Variants in ANGPT1 observed in about 807,000 individuals in gnomAD.
ANGPT1 encodes the protein angiopoietin-1.
In ANGPT1, 17 loss-of-function variants were observed where a neutral mutation model predicts 62.2. That is an observed-to-expected ratio of 0.27 (90% CI 0.19 to 0.41). The LOEUF is 0.41. ANGPT1 is among the 10% of genes least tolerant of loss of function. The pLI is 1.00. For synonymous variants in ANGPT1, 199 were observed against 198.9 expected (o/e 1.00, Z 0.00); for missense variants, 478 against 594.9 (o/e 0.80, Z 2.04).
intron 3 of ANGPT1, among the ~76,000 whole-genome samples, chr8:107,322,418 T>C (rs190812037): frequency 8.7e-4 from 133 of 152,268 alleles, no homozygotes; most frequent in Admixed American, 4.4e-3. Flanking sequence ...GTAGCTAACT[T>C]ACACCCAAAT....
At position 107,493,422 on chromosome 8, in the gene ANGPT1, G is replaced by T. The variant is rs187185742; in HGVS notation, c.297+3840C>A. Among the ~76,000 whole-genome samples, 76 of 150,496 alleles carry T rather than the reference G, an allele frequency of 5.0e-4. 6 individuals carry two copies. The East Asian group carries it at 7.3e-3, about 15-fold the overall frequency. ...ACCCTTAAAGAATAATTAAGAAGAT[G>T]AATTGGAGTGACTAGAGAAGTTTTT... On this transcript the variant is annotated intron_variant, in intron 1 of 8. Transcript: ENST00000517746.
At chr8:107,358,673 A>G (rs1816100501) in intron 1 of ANGPT1, among the ~76,000 whole-genome samples, 3 of 152,236 alleles carry the variant, frequency 2.0e-5, no homozygotes, top group Admixed American at 2.0e-4. Flanking sequence ...GCAGCTGTAG[A>G]TCACCTCCCG....
At chr8:107,275,089 G>A (rs1260274606) in intron 7 of ANGPT1, among the ~76,000 whole-genome samples, 2 of 152,070 alleles carry the variant, frequency 1.3e-5, no homozygotes, top group Admixed American at 6.6e-5. Flanking sequence ...GAAAAATAGA[G>A]GTTGAGTTCT....
Position 107,261,056 on chromosome 8 carries a change from ATGTAT to A in ANGPT1, c.1336+3160_1336+3164del, listed in dbSNP as rs1203065789. Among the ~76,000 whole-genome samples, 6 of 152,254 alleles carry A rather than the reference ATGTAT, an allele frequency of 3.9e-5. No homozygotes were observed. The East Asian group carries it at 1.2e-3, about 29-fold the overall frequency. Reference sequence around the variant, plus strand: ...GAAAGATTTTACTGTTGGTTTTTTCATGTATTGTATTTATTTGGTAAGAAAAAATA... The same window carrying A: ...GAAAGATTTTACTGTTGGTTTTTTCATGTATTTATTTGGTAAGAAAAAATA... On this transcript the variant is annotated intron_variant, in intron 8 of 8. Transcript: ENST00000517746.
At chr8:107,295,267 A>T (rs1009442554) in intron 5 of ANGPT1, 2 of 152,126 alleles carry the variant, frequency 1.3e-5, no homozygotes, top group African/African-American at 2.4e-5. Context: ...CATTAACCCT[A>T]GGAATTGACT....
intron 3 of ANGPT1, 138 bp from the exon 4 acceptor site, chr8:107,322,266 T>A: frequency 1.5e-6 from 1 of 649,384 alleles, no homozygotes. Flanking sequence ...GTGAGAGACT[T>A]AAGAATATGT....
chr8:107,322,618 G>C (rs1386094016), intron 3 of ANGPT1: 1 of 210,634 alleles, frequency 4.7e-6, no homozygotes, highest in Non-Finnish European at 9.6e-6. Context: ...ATCAAGAATA[G>C]TATATTGACC....
chr8:107,296,754 T>C (rs1035208766), intron 5 of ANGPT1, among the ~76,000 whole-genome samples: 21 of 152,228 alleles, frequency 1.4e-4, no homozygotes, highest in African/African-American at 4.6e-4. Flanking sequence ...TGAATGTTTT[T>C]ATTCAAATTT....
intron 7 of ANGPT1, among the ~76,000 whole-genome samples, chr8:107,280,221 A>G (rs1813970872): frequency 6.7e-6 from 1 of 149,856 alleles, no homozygotes; most frequent in Non-Finnish European, 1.5e-5. Context: ...TTTTTTTGAG[A>G]TGGCGTTTCA....
intron 8 of ANGPT1, among the ~76,000 whole-genome samples, chr8:107,260,487 A>G (rs544457196): frequency 3.2e-3 from 478 of 151,678 alleles, no homozygotes; most frequent in Non-Finnish European, 6.0e-3. Context: ...AAGAAAAAAA[A>G]GGAAAGGAAA....
intron 1 of ANGPT1, among the ~76,000 whole-genome samples, chr8:107,466,568 C>T (rs1338217220): frequency 6.6e-6 from 1 of 152,016 alleles, no homozygotes; most frequent in Non-Finnish European, 1.5e-5. Context: ...ATTCGTAAAG[C>T]CAAGGAAAAT....
chr8:107,424,799 T>C (rs983282377), intron 1 of ANGPT1, among the ~76,000 whole-genome samples: 1 of 152,208 alleles, frequency 6.6e-6, no homozygotes, highest in African/African-American at 2.4e-5. Flanking sequence ...TTTACAAAAT[T>C]AAGCCATAAT....
chr8:107,398,712 A>G (rs184469215), intron 1 of ANGPT1, among the ~76,000 whole-genome samples: 1 of 152,262 alleles, frequency 6.6e-6, no homozygotes, highest in East Asian at 1.9e-4. Flanking sequence ...TTCATGTGCT[A>G]TTACAAAAAC....
chr8:107,418,377 G>C (rs140594428), intron 1 of ANGPT1, among the ~76,000 whole-genome samples: 36 of 152,204 alleles, frequency 2.4e-4, no homozygotes, highest in Non-Finnish European at 4.9e-4. Flanking sequence ...GAAAAAAGTT[G>C]AGAAAAAAAT....
intron 4 of ANGPT1, among the ~76,000 whole-genome samples, chr8:107,319,234 A>G (rs1464991094): frequency 6.6e-6 from 1 of 152,166 alleles, no homozygotes; most frequent in Non-Finnish European, 1.5e-5. Flanking sequence ...ATGATGAGAC[A>G]GCTTCCTTAA....
chr8:107,325,861 G>C (rs1161764843), intron 3 of ANGPT1, among the ~76,000 whole-genome samples: 1 of 152,048 alleles, frequency 6.6e-6, no homozygotes, highest in East Asian at 1.9e-4. Flanking sequence ...AGTAAAGAAG[G>C]TGGGCTTGTT....
chr8:107,413,214 C>A (rs573902665), intron 1 of ANGPT1, among the ~76,000 whole-genome samples: 2 of 152,178 alleles, frequency 1.3e-5, no homozygotes, highest in Admixed American at 6.5e-5. Context: ...TATTCTCAAT[C>A]AAAAAATTGA....
chr8:107,271,114 C>T (rs1352606081), intron 7 of ANGPT1, among the ~76,000 whole-genome samples: 2 of 151,988 alleles, frequency 1.3e-5, no homozygotes, highest in Admixed American at 6.6e-5. Context: ...AAGCCATTGG[C>T]TTCTGCAAAT....
intron 1 of ANGPT1, among the ~76,000 whole-genome samples, chr8:107,355,462 T>C (rs1816023456): frequency 6.6e-6 from 1 of 152,174 alleles, no homozygotes; most frequent in Non-Finnish European, 1.5e-5. Context: ...TTCAGTAGCT[T>C]CTACTACCTG....
Sources: allele counts gnomAD v4.1 joint callset (sites outside exome capture counted in the v4.1 genomes callset), GRCh38; gene constraint gnomAD v4.1.1; transcripts MANE v1.5; gene names NCBI Gene and HGNC (gene_info 2026-07-23, HGNC 2026-07-21).